Variants in STAG2 observed in about 807,000 individuals in gnomAD.
STAG2 encodes the protein cohesin subunit SA-2.
STAG2 carries 14 observed loss-of-function variants against 108.1 expected under a neutral mutation model. The observed-to-expected ratio is 0.13, with a 90% CI of 0.09 to 0.20. The LOEUF (loss-of-function observed/expected upper bound fraction) is 0.20. STAG2 is among the 10% of genes least tolerant of loss of function. The probability of loss-of-function intolerance (pLI) is 1.00; values close to 1 mark genes in which losing one functional copy is unlikely to be tolerated. For missense variants in STAG2, 440 were observed against 940.9 expected, an observed-to-expected ratio of 0.47 and a Z score of 6.96; for synonymous variants, 307 against 302.7, an observed-to-expected ratio of 1.01 and a Z score of -0.15.
rs2055444509 is a variant in STAG2 at position 123,991,208 on chromosome X, C to T, written c.-163+29352C>T. On this transcript the variant is annotated intron_variant, in intron 1 of 34. Transcript: ENST00000371145. The stretch of plus-strand genomic sequence containing the variant: ...TCATATACCTATCACCTAGATTTGA[C>T]TTTTAGCTTTTTGCTCTACAGTCAG... 2.7e-5 allele frequency among the ~76,000 whole-genome samples: 3 copies of T among 112,293 alleles called. No homozygotes were observed. The Admixed American group carries it at 2.8e-4, about 11-fold the overall frequency.
At chrX:124,076,203 A>G in intron 25 of STAG2, 129 bp from the exon 26 acceptor site, 1 of 654,293 alleles carries the variant, frequency 1.5e-6, no homozygotes. Context: ...ATGAATGGTT[A>G]TAATTTTAAT....
rs1054829293 is a variant in STAG2, at chrX:124,061,715, G to C, written c.1535-56G>C. On this transcript the variant is annotated intron_variant, in intron 16 of 34. Coordinates refer to ENST00000371145, the MANE Select transcript of STAG2 (RefSeq NM_001042750.2). ...TGTAATAATTACAAGTGGCATATAG[G>C]GAGAAGAAATAAGCTAACTCTTTCT... 2.6e-5 allele frequency: 24 copies of C among 921,363 alleles called. No individual in the cohort carries two copies. In the South Asian group the frequency reaches 5.3e-4, roughly 21 times the overall value. 75.9% of individuals were successfully genotyped at this position (921,363 alleles called of 1,213,427 possible). A position where few individuals can be genotyped will look rare whatever the true frequency, so the allele number is the denominator to read the frequency against.
intron 6 of STAG2, among the ~76,000 whole-genome samples, chrX:124,038,768 A>G (rs770516920): frequency 8.9e-6 from 1 of 111,846 alleles, no homozygotes; most frequent in Non-Finnish European, 1.9e-5. Context: ...TGTCTTAATC[A>G]TAGCATATAG....
chrX:123,966,607 T>C (rs746679721), intron 1 of STAG2, among the ~76,000 whole-genome samples: 4 of 111,769 alleles, frequency 3.6e-5, no homozygotes, highest in African/African-American at 9.8e-5. Context: ...GGCAAAGATA[T>C]ATGATAAAGC....
At chrX:123,998,949 G>GA (rs1225152826) in intron 1 of STAG2, among the ~76,000 whole-genome samples, 21 of 104,841 alleles carry the variant, frequency 2.0e-4, no homozygotes, top group African/African-American at 5.2e-4. Flanking sequence ...TACAGAAAAT[G>GA]AAAAAAAAAA....
chrX:124,084,680 C>G (rs980448579), intron 29 of STAG2, among the ~76,000 whole-genome samples: 1 of 112,202 alleles, frequency 8.9e-6, no homozygotes, highest in Non-Finnish European at 1.9e-5. Context: ...AAAACTGATA[C>G]AACTGTGCTC....
intron 25 of STAG2, among the ~76,000 whole-genome samples, chrX:124,074,921 C>T (rs1363237730): frequency 8.9e-6 from 1 of 112,103 alleles, no homozygotes; most frequent in Admixed American, 9.5e-5. Flanking sequence ...ATTATAGTGA[C>T]AGAGCTATTA....
At chrX:123,991,357 A>AT (rs1158467871) in intron 1 of STAG2, among the ~76,000 whole-genome samples, 1,431 of 104,862 alleles carry the variant, frequency 0.014, 28 homozygotes, top group African/African-American at 0.043. Flanking sequence ...TGGTATAACA[A>AT]TTTTTTTTTT....
intron 26 of STAG2, among the ~76,000 whole-genome samples, chrX:124,077,040 T>C (rs1461830404): frequency 1.8e-5 from 2 of 111,466 alleles, no homozygotes; most frequent in African/African-American, 6.5e-5. Context: ...ACTAACAGAA[T>C]GTGACTAAAT....
At chrX:123,986,045 T>C (rs2055161030) in intron 1 of STAG2, among the ~76,000 whole-genome samples, 1 of 106,193 alleles carries the variant, frequency 9.4e-6, no homozygotes, top group African/African-American at 3.4e-5. Flanking sequence ...ACCTCACATA[T>C]ATATATATCA....
chrX:124,016,500 G>A (rs1953647640), intron 1 of STAG2, among the ~76,000 whole-genome samples: 1 of 111,783 alleles, frequency 8.9e-6, no homozygotes, highest in African/African-American at 3.3e-5. Context: ...AATAGTTTCA[G>A]TGTATGAATA....
intron 1 of STAG2, among the ~76,000 whole-genome samples, chrX:123,986,256 T>C (rs760144220): frequency 9.2e-6 from 1 of 108,820 alleles, no homozygotes; most frequent in Non-Finnish European, 1.9e-5. Flanking sequence ...TGTTAATATA[T>C]ATAATAAACT....
At chrX:124,032,071 A>G (rs1440890292) in intron 5 of STAG2, among the ~76,000 whole-genome samples, 1 of 112,023 alleles carries the variant, frequency 8.9e-6, no homozygotes, top group Non-Finnish European at 1.9e-5. Context: ...GTAAAAAATA[A>G]TTTGGTCAAA....
At chrX:124,086,483 A>G (rs1481028772) in intron 29 of STAG2, 64 bp from the exon 30 acceptor site, 2 of 914,578 alleles carry the variant, frequency 2.2e-6, no homozygotes, top group Non-Finnish European at 3.1e-6. Flanking sequence ...TGCTCGCACA[A>G]CTATGAGTTA....
chrX:124,051,826 G>A (rs868325247), intron 13 of STAG2, among the ~76,000 whole-genome samples: 1 of 111,589 alleles, frequency 9.0e-6, no homozygotes, highest in Non-Finnish European at 1.9e-5. Flanking sequence ...TCCTGACCTC[G>A]TGATCCGCCC....
At chrX:124,083,330 G>A in intron 28 of STAG2, 91 bp from the exon 29 acceptor site, 1 of 723,784 alleles carries the variant, frequency 1.4e-6, no homozygotes, top group South Asian at 3.6e-5. Flanking sequence ...GCTTGGCAAA[G>A]GAAGTAGTGA....
chrX:124,066,728 A>T (rs2058540298), intron 23 of STAG2, among the ~76,000 whole-genome samples: 1 of 112,125 alleles, frequency 8.9e-6, no homozygotes, highest in South Asian at 3.7e-4. Flanking sequence ...GTATTAGATT[A>T]CATAAATTGA....
At chrX:124,094,775 T>C (rs1325322938) in intron 33 of STAG2, among the ~76,000 whole-genome samples, 5 of 112,341 alleles carry the variant, frequency 4.5e-5, no homozygotes, top group Non-Finnish European at 9.4e-5. Flanking sequence ...TTGATACTTA[T>C]AAGTCCAGTC....
At chrX:124,062,392 TGC>T (rs766862723) in intron 17 of STAG2, among the ~76,000 whole-genome samples, 1 of 112,467 alleles carries the variant, frequency 8.9e-6, no homozygotes, top group East Asian at 2.8e-4. Flanking sequence ...TGTTTGTGTG[TGC>T]ATAACTGAAA....
Sources: allele counts gnomAD v4.1 joint callset (sites outside exome capture counted in the v4.1 genomes callset), GRCh38; gene constraint gnomAD v4.1.1; transcripts MANE v1.5; gene names NCBI Gene and HGNC (gene_info 2026-07-23, HGNC 2026-07-21).